GPR155: variants seen among roughly 807,000 people sequenced by gnomAD.
GPR155 encodes lysosomal cholesterol signaling protein.
GPR155 carries 65 observed loss-of-function variants against 93.1 expected under a neutral mutation model. That is an observed-to-expected ratio of 0.70 (90% CI 0.57 to 0.86). GPR155 has a LOEUF of 0.86. Ranked by LOEUF, GPR155 falls within the 40% of genes least tolerant of loss-of-function variation. The pLI is 0.00. For missense variants in GPR155, 838 were observed against 1,034.8 expected (o/e 0.81, Z 2.61); for synonymous variants, 319 against 360.1 (o/e 0.89, Z 1.29).
chr2:174,462,014 C>T (rs1687711321), intron 7 of GPR155, among the ~76,000 whole-genome samples: 2 of 152,134 alleles, frequency 1.3e-5, no homozygotes, highest in South Asian at 4.1e-4. Context: ...CAGCTCCCTG[C>T]AGCCTTGACC....
Position 174,439,824 on chromosome 2 carries a change from T to C in GPR155, c.2312+74A>G, listed in dbSNP as rs1309292276. 3.1e-6 allele frequency: 4 copies of C among 1,295,488 alleles called. No homozygotes were observed. In the African/African-American group the frequency reaches 5.9e-5, roughly 19 times the overall value. The allele number at this position is 1,295,488 out of a possible 1,614,324, so 80.2% of individuals were successfully genotyped here. ...TCAGTCACAACCACCTCATTTAGCC[T>C]ATTACAATCCAAAATTAATCAATTA... On this transcript the variant is annotated intron_variant, in intron 15 of 15. Coordinates refer to ENST00000392552, the MANE Select transcript of GPR155 (RefSeq NM_152529.7).
At chr2:174,468,889 AT>A (rs778344446) in intron 5 of GPR155, 22 bp downstream of exon 5, 35 of 1,594,440 alleles carry the variant, frequency 2.2e-5, no homozygotes, top group Non-Finnish European at 3.0e-5. Flanking sequence ...GTTTCCATTC[AT>A]TTTGGGATGC....
intron 10 of GPR155, among the ~76,000 whole-genome samples, chr2:174,457,269 TC>T (rs1213527035): frequency 6.6e-6 from 1 of 152,114 alleles, no homozygotes; most frequent in East Asian, 1.9e-4. Context: ...CCAAGACTGC[TC>T]CACTGCGCTC....
At position 174,446,758 on chromosome 2, in the gene GPR155, G is replaced by T; in HGVS notation, c.1877-11C>A. 1 of 1,611,966 alleles carries T rather than the reference G, an allele frequency of 6.2e-7. No individual in the cohort carries two copies. The highest frequency in any genetic ancestry group is 1.3e-5 in the African/African-American group (1 of 74,924). Reference sequence around the variant, plus strand: ...TCACACAATGATTGTCTATAAAAGAGTAAGCACAACAATTTGTAATCAGAG... The same window carrying T: ...TCACACAATGATTGTCTATAAAAGATTAAGCACAACAATTTGTAATCAGAG... On this transcript the variant is annotated splice_polypyrimidine_tract_variant and intron_variant, in intron 11 of 15. Coordinates refer to ENST00000392552, the MANE Select transcript of GPR155 (RefSeq NM_152529.7).
Position 174,481,834 on chromosome 2 carries a change from C to T in GPR155, c.123G>A (p.Arg41=), listed in dbSNP as rs1286390918. 1.2e-6 allele frequency: 2 copies of T among 1,614,102 alleles called. No individual in the cohort carries two copies. Among genetic ancestry groups the T allele is most frequent in the Admixed American group, 3.3e-5 (2 of 60,020 alleles). ...TNDPPSMSIT[R]LFPALLECFG... The stretch of plus-strand genomic sequence containing the variant: ...AGCATTCCAGTAAGGCTGGAAAAAG[C>T]CTTGTAATTGACATTGAAGGTGGGT... The change falls in exon 2 of 16, where the codon AGG becomes AGA. Residue 41 remains arginine (R), a synonymous_variant. Coordinates refer to ENST00000392552, the MANE Select transcript of GPR155 (RefSeq NM_152529.7).
chr2:174,480,879 C>T (rs1688298940), intron 2 of GPR155, among the ~76,000 whole-genome samples: 2 of 152,148 alleles, frequency 1.3e-5, no homozygotes, highest in African/African-American at 4.8e-5. Context: ...AAGCAATCCT[C>T]CTGCCTCAGC....
intron 11 of GPR155, among the ~76,000 whole-genome samples, chr2:174,448,374 CA>C (rs902120083): frequency 2.0e-5 from 3 of 151,336 alleles, no homozygotes; most frequent in South Asian, 2.1e-4. Context: ...GACTGTGTCT[CA>C]AAAAAAAGTA....
Position 174,470,457 on chromosome 2 carries a change from T to C in GPR155, c.959A>G (p.Tyr320Cys). ...HTSLSNYAFL[Y>C]GVFPVAPGVA... ...TCCTGGTGCTACAGGAAATACACCA[T>C]ACAGAAATGCATAATTTGATAAACT... Residue 320 changes from tyrosine (Y) to cysteine (C), a missense_variant, in exon 4 of 16, where the codon TAT (tyrosine) becomes TGT (cysteine). Tyr to Cys is a radical substitution (Grantham distance 194). Coordinates refer to ENST00000392552, the MANE Select transcript of GPR155 (RefSeq NM_152529.7). 1 of 1,613,800 alleles carries C rather than the reference T, an allele frequency of 6.2e-7. No individual in the cohort carries two copies. Among genetic ancestry groups the C allele is most frequent in the South Asian group, 1.1e-5 (1 of 91,080 alleles).
intron 2 of GPR155, among the ~76,000 whole-genome samples, chr2:174,479,963 T>C (rs1688274291): frequency 6.6e-6 from 1 of 152,192 alleles, no homozygotes. Context: ...TTTAACTTCT[T>C]AGGTGTTTCT....
chr2:174,477,796 C>A (rs1428932835), intron 2 of GPR155, among the ~76,000 whole-genome samples: 1 of 151,994 alleles, frequency 6.6e-6, no homozygotes, highest in Non-Finnish European at 1.5e-5. Context: ...ATAAATAAGG[C>A]TCTTGGAGGG....
At chr2:174,463,126 C>CT (rs5836457) in intron 7 of GPR155, among the ~76,000 whole-genome samples, 1 of 139,590 alleles carries the variant, frequency 7.2e-6, no homozygotes, top group African/African-American at 2.7e-5. Context: ...TTTTTTCTTT[C>CT]TTTTTTTTTT....
chr2:174,459,002 T>G (rs1415269638), intron 10 of GPR155, among the ~76,000 whole-genome samples: 1 of 152,104 alleles, frequency 6.6e-6, no homozygotes, highest in African/African-American at 2.4e-5. Context: ...ACAGGCGAAT[T>G]GCTTGAACCC....
At chr2:174,485,810 T>A (rs1047537909) in intron 1 of GPR155, among the ~76,000 whole-genome samples, 25 of 150,864 alleles carry the variant, frequency 1.7e-4, no homozygotes, top group East Asian at 9.7e-4. Flanking sequence ...AGGGAAGTTT[T>A]AAAAAAAAAA....
chr2:174,465,522 C>T (rs1456286297), intron 7 of GPR155, among the ~76,000 whole-genome samples: 1 of 152,174 alleles, frequency 6.6e-6, no homozygotes, highest in Non-Finnish European at 1.5e-5. Flanking sequence ...CAAAAGGGAG[C>T]AGCACTGACA....
intron 11 of GPR155, among the ~76,000 whole-genome samples, chr2:174,448,686 C>T (rs1305392470): frequency 3.3e-5 from 5 of 151,200 alleles, no homozygotes; most frequent in East Asian, 1.9e-4. Flanking sequence ...TACAGGCACC[C>T]GCCACTGCGC....
At chr2:174,452,186 AGGG>A (rs989883552) in intron 11 of GPR155, among the ~76,000 whole-genome samples, 4 of 152,322 alleles carry the variant, frequency 2.6e-5, no homozygotes, top group African/African-American at 9.6e-5. Context: ...ACTGCCAGAA[AGGG>A]TTTCTTGTAA....
chr2:174,467,658 G>A (rs1316696129), intron 5 of GPR155, among the ~76,000 whole-genome samples: 3 of 152,014 alleles, frequency 2.0e-5, no homozygotes, highest in Non-Finnish European at 4.4e-5. Flanking sequence ...CCAACATATT[G>A]TCTCATGGGG....
intron 3 of GPR155, among the ~76,000 whole-genome samples, chr2:174,471,016 GAAAAA>G: frequency 9.9e-6 from 1 of 100,744 alleles, no homozygotes; most frequent in African/African-American, 3.5e-5. Context: ...CTCCTGTTTT[GAAAAA>G]AAAAAAAAAA....
At position 174,448,851 on chromosome 2, in the gene GPR155, A is replaced by G. The variant is rs116156798; in HGVS notation, c.1877-2104T>C. Among the ~76,000 whole-genome samples, 431 of 152,220 alleles carry G rather than the reference A, an allele frequency of 2.8e-3. 4 individuals are homozygous for G. Among genetic ancestry groups the G allele is most frequent in the African/African-American group, 0.01 (420 of 41,528 alleles). On this transcript the variant is annotated intron_variant, in intron 11 of 15. Coordinates refer to ENST00000392552, the MANE Select transcript of GPR155 (RefSeq NM_152529.7). ...CGCGCCCGGCCTACTGGGAAGTTTTAAGGTAAAAACAAAAACAAAACCAAA... is the reference window on the plus strand; with the variant it reads ...CGCGCCCGGCCTACTGGGAAGTTTTGAGGTAAAAACAAAAACAAAACCAAA...
Sources: gnomAD v4.1 joint callset for allele counts (sites outside exome capture counted in the v4.1 genomes callset) on GRCh38, gnomAD v4.1.1 for gene constraint, MANE v1.5 for transcripts, NCBI Gene and HGNC (gene_info 2026-07-23, HGNC 2026-07-21) for gene names.